BCL11B: variants seen among roughly 807,000 people sequenced by gnomAD.
BCL11B encodes BCL11 transcription factor B, also known as B-cell lymphoma/leukemia 11B.
Under a neutral mutation model 49.9 loss-of-function variants are expected in BCL11B, and 8 were observed. The observed-to-expected ratio is 0.16, with a 90% CI of 0.09 to 0.29. The LOEUF (loss-of-function observed/expected upper bound fraction) is 0.29, where lower values mean the gene tolerates loss of function less well. Among genes scored for constraint, BCL11B ranks in the 10% least tolerant of loss-of-function variants. The probability of loss-of-function intolerance (pLI) is 1.00; values close to 1 mark genes in which losing one functional copy is unlikely to be tolerated. For synonymous variants in BCL11B, 739 were observed against 637.4 expected (o/e 1.16, Z -2.40); for missense variants, 1,006 against 1,351.0 (o/e 0.74, Z 4.00).
At chr14:99,239,364 G>A (rs183583921) in intron 2 of BCL11B, among the ~76,000 whole-genome samples, 9 of 152,330 alleles carry the variant, frequency 5.9e-5, no homozygotes, top group Admixed American at 3.3e-4. Context: ...GCTGCAAACC[G>A]AAGTAAAGTG....
chr14:99,214,139 C>T (rs1887764560), intron 3 of BCL11B, among the ~76,000 whole-genome samples: 1 of 152,154 alleles, frequency 6.6e-6, no homozygotes, highest in Admixed American at 6.5e-5. Flanking sequence ...AGTGTCCCCC[C>T]ATCCACGGCC....
intron 3 of BCL11B, among the ~76,000 whole-genome samples, chr14:99,198,008 G>A (rs901144847): frequency 3.9e-5 from 6 of 152,212 alleles, no homozygotes; most frequent in Non-Finnish European, 7.3e-5. Flanking sequence ...TGGCTGACAC[G>A]CGTGGGCTTA....
chr14:99,191,700 C>T (rs1407905496), intron 3 of BCL11B, among the ~76,000 whole-genome samples: 1 of 151,302 alleles, frequency 6.6e-6, no homozygotes, highest in African/African-American at 2.4e-5. Context: ...GTCAGCACCC[C>T]CCTGCCCGCA....
chr14:99,230,486 G>A (rs909998260), intron 3 of BCL11B, among the ~76,000 whole-genome samples: 1 of 152,070 alleles, frequency 6.6e-6, no homozygotes, highest in African/African-American at 2.4e-5. Flanking sequence ...GTGCTTTCAC[G>A]CCAGGCCCTG....
chr14:99,250,156 C>T (rs886451395), intron 2 of BCL11B, among the ~76,000 whole-genome samples: 7 of 151,806 alleles, frequency 4.6e-5, no homozygotes, highest in African/African-American at 1.7e-4. Flanking sequence ...CTGCCTCAGC[C>T]TCCTGAGTAG....
At chr14:99,236,762 C>G (rs961215116) in intron 2 of BCL11B, among the ~76,000 whole-genome samples, 2 of 152,132 alleles carry the variant, frequency 1.3e-5, no homozygotes, top group African/African-American at 4.8e-5. Flanking sequence ...ATCTTCAGGG[C>G]CGTGAGGAAA....
At chr14:99,269,526 C>CCCA (rs1555385240) in intron 1 of BCL11B, among the ~76,000 whole-genome samples, 11 of 148,002 alleles carry the variant, frequency 7.4e-5, no homozygotes, top group African/African-American at 2.8e-4. Context: ...CCCCCCCCCC[C>CCCA]AAAAAAAATC....
chr14:99,188,527 C>T (rs1468164959), intron 3 of BCL11B, among the ~76,000 whole-genome samples: 2 of 138,232 alleles, frequency 1.4e-5, no homozygotes, highest in Non-Finnish European at 3.1e-5. Flanking sequence ...TCTCTCCAAC[C>T]AATGGCTGGC....
chr14:99,261,569 A>G (rs531879771), intron 1 of BCL11B, among the ~76,000 whole-genome samples: 1 of 152,276 alleles, frequency 6.6e-6, no homozygotes, highest in East Asian at 1.9e-4. Context: ...CCCAGACCCT[A>G]CAGGCCAGCC....
Position 99,175,124 on chromosome 14 carries a change from C to A in BCL11B, c.1712G>T (p.Gly571Val). Residue 571 changes from glycine (G) to valine (V), a missense_variant, in exon 4 of 4, where the codon GGT (glycine) becomes GTT (valine). By Grantham distance (109) the Gly-to-Val change is moderately radical. This residue lies in a region of BCL11B where 443 missense variants were observed against 499.7 expected (regional missense o/e 0.89). Coordinates refer to ENST00000357195, the MANE Select transcript of BCL11B (RefSeq NM_138576.4). Reference sequence around the variant, plus strand: ...CGCGCCCGGGACCCCGGGCACCCCACCACCGCCGTTCTCGCGGTTGCGGCT... The same window carrying A: ...CGCGCCCGGGACCCCGGGCACCCCAACACCGCCGTTCTCGCGGTTGCGGCT... ...ELSRNRENGG[G>V]GVPGVPGAGG... 6.3e-7 allele frequency: 1 copy of A among 1,589,986 alleles called. No homozygotes were observed. The highest frequency in any genetic ancestry group is 1.1e-5 in the South Asian group (1 of 90,548).
At chr14:99,202,614 A>G (rs2693682) in intron 3 of BCL11B, among the ~76,000 whole-genome samples, 25,712 of 152,112 alleles carry the variant, frequency 0.17, 3,285 homozygotes, top group East Asian at 0.38. Flanking sequence ...TGGGAGGGAG[A>G]GAGAGGGAGG....
chr14:99,199,411 AG>A, intron 3 of BCL11B, among the ~76,000 whole-genome samples: 1 of 152,192 alleles, frequency 6.6e-6, no homozygotes, highest in Non-Finnish European at 1.5e-5. Flanking sequence ...TCAACAGCCG[AG>A]GAATTCTGAT....
intron 3 of BCL11B, among the ~76,000 whole-genome samples, chr14:99,177,612 T>C (rs1399535604): frequency 6.0e-5 from 9 of 150,150 alleles, no homozygotes; most frequent in African/African-American, 2.2e-4. Context: ...ATGCGAGATC[T>C]TGAAAGATCC....
chr14:99,225,456 G>C (rs8021454), intron 3 of BCL11B, among the ~76,000 whole-genome samples: 20,046 of 152,142 alleles, frequency 0.13, 1,564 homozygotes, highest in Non-Finnish European at 0.18. Flanking sequence ...GGAGAACGGG[G>C]CTGCCTTGCT....
At chr14:99,206,163 T>C (rs1311273814) in intron 3 of BCL11B, among the ~76,000 whole-genome samples, 4 of 152,278 alleles carry the variant, frequency 2.6e-5, no homozygotes, top group African/African-American at 9.6e-5. Flanking sequence ...GATGGGAAGA[T>C]GTCACAGTCA....
Position 99,232,325 on chromosome 14 carries a change from G to A in BCL11B, c.428-768C>T, listed in dbSNP as rs899438012. 6.6e-6 allele frequency among the ~76,000 whole-genome samples: 1 copy of A among 152,210 alleles called. No homozygotes were observed. Among genetic ancestry groups the A allele is most frequent in the Non-Finnish European group, 1.5e-5 (1 of 68,042 alleles). ...CCGCCTCTGCCCAGCCCCACAGCTCGCTCAGCTCCACAGCAAGGCCTGCAT... is the reference window on the plus strand; with the variant it reads ...CCGCCTCTGCCCAGCCCCACAGCTCACTCAGCTCCACAGCAAGGCCTGCAT... On this transcript the variant is annotated intron_variant, in intron 2 of 3. Coordinates refer to ENST00000357195, the MANE Select transcript of BCL11B (RefSeq NM_138576.4). This position sits in a 1 kb window ranked among gnomAD's most constrained non-coding sequence, Gnocchi z 5.1.
At chr14:99,207,742 C>G (rs2693688) in intron 3 of BCL11B, among the ~76,000 whole-genome samples, 18,995 of 152,154 alleles carry the variant, frequency 0.12, 1,951 homozygotes, top group African/African-American at 0.29. Context: ...TGGGGATGCC[C>G]AGGGCTTGCT....
chr14:99,186,308 G>A (rs1886851181), intron 3 of BCL11B, among the ~76,000 whole-genome samples: 1 of 152,242 alleles, frequency 6.6e-6, no homozygotes, highest in Admixed American at 6.5e-5. Flanking sequence ...ATCACCTGAG[G>A]TCAGGAGTTC....
chr14:99,193,256 A>G (rs1887089032), intron 3 of BCL11B, among the ~76,000 whole-genome samples: 1 of 152,198 alleles, frequency 6.6e-6, no homozygotes, highest in African/African-American at 2.4e-5. Context: ...CAAAGGTTTC[A>G]TTATGTTTTC....
Sources: gnomAD v4.1 joint callset for allele counts (sites outside exome capture counted in the v4.1 genomes callset) on GRCh38, gnomAD v4.1.1 for gene constraint, gnomAD v4.1.1 regional missense constraint, Gnocchi (gnomAD v3.1) non-coding constraint, MANE v1.5 for transcripts, NCBI Gene and HGNC (gene_info 2026-07-23, HGNC 2026-07-21) for gene names.